SMYD2: variants seen among roughly 807,000 people sequenced by gnomAD.
SMYD2 encodes N-lysine methyltransferase SMYD2.
Under a neutral mutation model 59.1 loss-of-function variants are expected in SMYD2, and 53 were observed. The ratio of observed to expected loss-of-function variants is 0.90; its 90% confidence interval spans 0.72 to 1.13. The LOEUF (loss-of-function observed/expected upper bound fraction) is 1.13, where lower values mean the gene tolerates loss of function less well. SMYD2 is among the 50% of genes most tolerant of loss of function. SMYD2 has a pLI of 0.00. For missense variants in SMYD2, 494 were observed against 544.7 expected (o/e 0.91, Z 0.93); for synonymous variants, 208 against 198.8 (o/e 1.05, Z -0.39).
At chr1:214,325,094 GTACAGAC>G (rs1341591512) in intron 6 of SMYD2, among the ~76,000 whole-genome samples, 1 of 152,212 alleles carries the variant, frequency 6.6e-6, no homozygotes, top group Non-Finnish European at 1.5e-5. Flanking sequence ...ACAAGCTTGA[GTACAGAC>G]TATATGAGCT....
chr1:214,316,920 T>G (rs1657094705), intron 3 of SMYD2, among the ~76,000 whole-genome samples: 1 of 152,206 alleles, frequency 6.6e-6, no homozygotes, highest in South Asian at 2.1e-4. Context: ...GTGTGAGGTA[T>G]CAGAGTCAGT....
chr1:214,287,078 C>A (rs1257871372), intron 1 of SMYD2, among the ~76,000 whole-genome samples: 1 of 151,994 alleles, frequency 6.6e-6, no homozygotes, highest in East Asian at 2.0e-4. Context: ...ATCCACCTGC[C>A]TTGGCCTCCC....
chr1:214,294,758 C>T (rs1656695927), intron 1 of SMYD2, among the ~76,000 whole-genome samples: 1 of 152,188 alleles, frequency 6.6e-6, no homozygotes, highest in Non-Finnish European at 1.5e-5. Flanking sequence ...TGTTTTGCTG[C>T]AGCAGACCTG....
At chr1:214,287,460 G>T (rs991406763) in intron 1 of SMYD2, among the ~76,000 whole-genome samples, 1 of 151,586 alleles carries the variant, frequency 6.6e-6, no homozygotes, top group Non-Finnish European at 1.5e-5. Context: ...AGTGGCGGGC[G>T]CCTGTAATCC....
intron 7 of SMYD2, among the ~76,000 whole-genome samples, chr1:214,329,536 G>A (rs1203655924): frequency 2.0e-5 from 3 of 152,154 alleles, no homozygotes; most frequent in Non-Finnish European, 4.4e-5. Context: ...TGAACCAAAG[G>A]TAAGGACTTT....
At chr1:214,327,324 C>G (rs1657279066) in intron 6 of SMYD2, among the ~76,000 whole-genome samples, 1 of 152,210 alleles carries the variant, frequency 6.6e-6, no homozygotes, top group African/African-American at 2.4e-5. Context: ...GAGCTGCATT[C>G]TATCAGGGAG....
intron 1 of SMYD2, among the ~76,000 whole-genome samples, chr1:214,285,197 T>C (rs1253622856): frequency 6.6e-6 from 1 of 150,756 alleles, no homozygotes; most frequent in African/African-American, 2.5e-5. Flanking sequence ...AGGCTTTTTT[T>C]CCTCATGTCC....
intron 1 of SMYD2, among the ~76,000 whole-genome samples, chr1:214,301,941 T>C (rs1207706066): frequency 2.0e-5 from 3 of 152,188 alleles, no homozygotes; most frequent in African/African-American, 7.2e-5. Flanking sequence ...CAAAGACATA[T>C]ATACTTAAGA....
At chr1:214,299,077 A>G (rs1350169335) in intron 1 of SMYD2, among the ~76,000 whole-genome samples, 1 of 152,100 alleles carries the variant, frequency 6.6e-6, no homozygotes, top group Non-Finnish European at 1.5e-5. Context: ...CTTGAGCACA[A>G]GAGTTTGAGG....
At chr1:214,285,060 A>G (rs930576892) in intron 1 of SMYD2, among the ~76,000 whole-genome samples, 1 of 152,148 alleles carries the variant, frequency 6.6e-6, no homozygotes, top group Non-Finnish European at 1.5e-5. Flanking sequence ...CCTCCTTGGA[A>G]TAGAGCTGTT....
chr1:214,313,816 C>T (rs1343932405), intron 2 of SMYD2, among the ~76,000 whole-genome samples: 1 of 152,180 alleles, frequency 6.6e-6, no homozygotes, highest in African/African-American at 2.4e-5. Context: ...CGCCTCCACC[C>T]TTCCAGCAGC....
At position 214,334,264 on chromosome 1, in the gene SMYD2, A is replaced by G. The variant is rs760376670; in HGVS notation, c.1177A>G (p.Met393Val). ...SMWLKLGRLY[M>V]GLEHKAAGEK... ...GTGGTTGAAGCTAGGGAGACTCTAC[A>G]TGGGCCTGGAACACAAAGCCGCAGG... The change falls in exon 11 of 12, where the codon ATG becomes GTG. Residue 393 changes from methionine to valine, a missense_variant. Coordinates refer to ENST00000366957, the MANE Select transcript of SMYD2 (RefSeq NM_020197.3). 1.9e-6 allele frequency: 3 copies of G among 1,613,892 alleles called. No individual in the cohort carries two copies. Among genetic ancestry groups the G allele is most frequent in the Admixed American group, 1.7e-5 (1 of 60,010 alleles).
In SMYD2 at chr1:214,332,106, G is replaced by A. The variant is rs1345729969; in HGVS notation, c.1026G>A (p.Met342Ile). 1 of 1,614,170 alleles carries A rather than the reference G, an allele frequency of 6.2e-7. No individual in the cohort carries two copies. The highest frequency in any genetic ancestry group is 8.5e-7 in the Non-Finnish European group (1 of 1,180,020). The change falls in exon 10 of 12, where the codon ATG (methionine) becomes ATA (isoleucine). Residue 342 changes from methionine to isoleucine, a missense_variant. Physicochemically the swap from Met to Ile is conservative, Grantham distance 10. Transcript: ENST00000366957. ...ACAGTAACGTGTACATGTTGCACAT[G>A]ATGTACCAGGCCATGGGTGTCTGCT... is the stretch of plus-strand genomic sequence containing the variant. ...FEDSNVYMLH[M>I]MYQAMGVCLY...
chr1:214,284,408 G>A (rs1368701241), intron 1 of SMYD2, among the ~76,000 whole-genome samples: 6 of 151,392 alleles, frequency 4.0e-5, no homozygotes, highest in Non-Finnish European at 7.4e-5. Flanking sequence ...TTACAGGAAT[G>A]CGTCACCACA....
At position 214,337,073 on chromosome 1, in the gene SMYD2, T is replaced by C; in HGVS notation, c.*289T>C. On this transcript the variant is annotated 3_prime_UTR_variant, in exon 12 of 12. Transcript: ENST00000366957. ...AAAAATGGAATTATTTTTTCTTTCA[T>C]GCCTCTTGTAATGTTCTGAACAAAC... 1 of 280,998 alleles carries C rather than the reference T, an allele frequency of 3.6e-6. No homozygotes were observed. 17.4% of individuals were successfully genotyped at this position (280,998 alleles called of 1,614,324 possible). A position where few individuals can be genotyped will look rare whatever the true frequency, so the allele number is the denominator to read the frequency against.
chr1:214,334,167 C>T, intron 10 of SMYD2, 33 bp from the exon 11 acceptor site: 1 of 1,596,526 alleles, frequency 6.3e-7, no homozygotes, highest in South Asian at 1.1e-5. Context: ...TAGCCGCTGA[C>T]ATGGTGGCCT....
intron 1 of SMYD2, among the ~76,000 whole-genome samples, chr1:214,296,858 G>A (rs752696363): frequency 6.6e-6 from 1 of 152,168 alleles, no homozygotes; most frequent in Non-Finnish European, 1.5e-5. Context: ...GCAGCAGAAC[G>A]AAAGCTGAGG....
At chr1:214,311,143 A>G (rs938001419) in intron 2 of SMYD2, among the ~76,000 whole-genome samples, 1 of 152,208 alleles carries the variant, frequency 6.6e-6, no homozygotes, top group African/African-American at 2.4e-5. Context: ...TGACATTGCC[A>G]TAAACTGCTT....
chr1:214,319,953 G>A (rs892385097), intron 5 of SMYD2, among the ~76,000 whole-genome samples: 31 of 152,232 alleles, frequency 2.0e-4, no homozygotes, highest in Non-Finnish European at 5.9e-5. Context: ...CTGTTTGCAG[G>A]AATCTGTCCT....
Sources: gnomAD v4.1 joint callset for allele counts (sites outside exome capture counted in the v4.1 genomes callset) on GRCh38, gnomAD v4.1.1 for gene constraint, MANE v1.5 for transcripts, NCBI Gene and HGNC (gene_info 2026-07-23, HGNC 2026-07-21) for gene names.